Variants in CCNH observed in about 807,000 individuals in gnomAD.
CCNH encodes cyclin-H.
In CCNH, 31 loss-of-function variants were observed where a neutral mutation model predicts 41.9. The observed-to-expected ratio is 0.74, with a 90% confidence interval of 0.56 to 1.00. CCNH has a LOEUF of 1.00. CCNH is among the 50% of genes least tolerant of loss of function. The pLI is 0.00. For missense variants in CCNH, 362 were observed against 388.4 expected (o/e 0.93, Z 0.57); for synonymous variants, 138 against 136.1 (o/e 1.01, Z -0.10).
chr5:87,326,658 A>G (rs1757252088), intron 9 of CCNH, among the ~76,000 whole-genome samples: 2 of 152,170 alleles, frequency 1.3e-5, no homozygotes, highest in African/African-American at 4.8e-5. Flanking sequence ...TCAAGTACAT[A>G]CTATCCTTTA....
downstream of CCNH, chr5:87,386,863 G>T: frequency 3.1e-6 from 5 of 1,612,848 alleles, no homozygotes; most frequent in Non-Finnish European, 3.4e-6. Flanking sequence ...TTCATCAAAA[G>T]CAACAAACAT....
downstream of CCNH, among the ~76,000 whole-genome samples, chr5:87,373,048 A>AT (rs1380761644): frequency 1.3e-5 from 2 of 152,132 alleles, no homozygotes; most frequent in African/African-American, 4.8e-5. Context: ...ATCAGATTGG[A>AT]TTTTTGCTAA....
chr5:87,377,158 T>G, exon 1 of CCNH: 1 of 1,337,786 alleles, frequency 7.5e-7, no homozygotes, highest in Admixed American at 1.8e-5. Context: ...AAATAAGTTA[T>G]TCTGTTTTCC....
chr5:87,355,827 G>A (rs571646535), intron 9 of CCNH, among the ~76,000 whole-genome samples: 7 of 152,344 alleles, frequency 4.6e-5, no homozygotes, highest in Admixed American at 1.3e-4. Context: ...GGAAGAAGCT[G>A]ATTCCAACTC....
chr5:87,349,322 C>T lies in CCNH; in HGVS notation c.*91-30425G>A, dbSNP rs1175378445. The T allele has an allele frequency of 1.2e-5, 20 of 1,611,810 alleles. No individual in the cohort carries two copies. Among genetic ancestry groups the T allele is most frequent in the African/African-American group, 1.3e-5 (1 of 74,764 alleles). On this transcript the variant is annotated intron_variant and NMD_transcript_variant, in intron 9 of 9. Transcript: ENST00000645953. ...ATTCAGCGATTTAAAATATGTCCAA[C>T]GCCAAACAATCAGTTTATGATGGGA...
chr5:87,351,307 CT>C (rs1383064955), intron 9 of CCNH, among the ~76,000 whole-genome samples: 3 of 151,532 alleles, frequency 2.0e-5, no homozygotes, highest in Non-Finnish European at 3.0e-5. Context: ...GATATAGTTT[CT>C]TCTTTATTAG....
downstream of CCNH, chr5:87,372,327 C>T (rs1761008886): frequency 2.6e-6 from 2 of 768,744 alleles, no homozygotes; most frequent in East Asian, 2.7e-5. Flanking sequence ...GCTTCAGTAG[C>T]AGGAAAACGT....
intron 9 of CCNH, among the ~76,000 whole-genome samples, chr5:87,335,466 C>T (rs1402760730): frequency 7.2e-6 from 1 of 138,664 alleles, no homozygotes; most frequent in Non-Finnish European, 1.5e-5. Flanking sequence ...GCTCTTGTCA[C>T]CCAGGCTGGA....
chr5:87,351,906 G>A (rs950986937), intron 9 of CCNH, among the ~76,000 whole-genome samples: 5 of 151,810 alleles, frequency 3.3e-5, no homozygotes, highest in African/African-American at 9.6e-5. Context: ...TGGATTGATT[G>A]TATTTTACAG....
chr5:87,381,466 C>G (rs1283324072), upstream of CCNH, among the ~76,000 whole-genome samples: 1 of 152,206 alleles, frequency 6.6e-6, no homozygotes, highest in East Asian at 1.9e-4. Context: ...TATACACTGT[C>G]ATGTCATGCT....
chr5:87,363,543 T>G (rs928906676), intron 9 of CCNH: 1 of 1,590,190 alleles, frequency 6.3e-7, no homozygotes, highest in Non-Finnish European at 8.6e-7. Flanking sequence ...CGGAATTGTC[T>G]TAATAATAAA....
chr5:87,412,535 C>G, intron 1 of CCNH, 143 bp downstream of exon 1: 1 of 1,452,052 alleles, frequency 6.9e-7, no homozygotes, highest in South Asian at 1.4e-5. Context: ...GCAAGGTGCT[C>G]GCTTATTTTG....
chr5:87,322,152 G>A (rs1756868410), intron 9 of CCNH, among the ~76,000 whole-genome samples: 1 of 152,048 alleles, frequency 6.6e-6, no homozygotes, highest in South Asian at 2.1e-4. Flanking sequence ...GTGAGAGCTG[G>A]TTGTTTAAAG....
At chr5:87,312,701 C>T in the CCNH span, among the ~76,000 whole-genome samples, 1 of 152,172 alleles carries the variant, frequency 6.6e-6, no homozygotes, top group South Asian at 2.1e-4. Context: ...GATGTGAATG[C>T]TACCATGAAT....
chr5:87,378,479 G>A, upstream of CCNH: 1 of 1,612,464 alleles, frequency 6.2e-7, no homozygotes, highest in Non-Finnish European at 8.5e-7. Flanking sequence ...TACACAGTTT[G>A]TTCATCATGC....
At chr5:87,320,568 C>G (rs182251055) in intron 9 of CCNH, among the ~76,000 whole-genome samples, 1 of 152,036 alleles carries the variant, frequency 6.6e-6, no homozygotes, top group African/African-American at 2.4e-5. Flanking sequence ...AGTGGGGAAG[C>G]GCCACACACT....
At chr5:87,359,179 T>C (rs1759883160) in intron 9 of CCNH, among the ~76,000 whole-genome samples, 1 of 152,118 alleles carries the variant, frequency 6.6e-6, no homozygotes. Flanking sequence ...TTAAATGGCG[T>C]TTTCCTACAT....
At chr5:87,410,543 C>T (rs371455986) in intron 2 of CCNH, among the ~76,000 whole-genome samples, 3 of 151,980 alleles carry the variant, frequency 2.0e-5, no homozygotes, top group East Asian at 1.9e-4. Context: ...AACTTTAAAA[C>T]TTAACAGACT....
chr5:87,390,870 A>G (rs764515827), downstream of CCNH: 9 of 1,611,728 alleles, frequency 5.6e-6, no homozygotes, highest in African/African-American at 1.3e-5. Flanking sequence ...ACAAAAACCA[A>G]TGATGTCAGG....
Sources: allele counts gnomAD v4.1 joint callset (sites outside exome capture counted in the v4.1 genomes callset), GRCh38; gene constraint gnomAD v4.1.1; transcripts MANE v1.5; gene names NCBI Gene and HGNC (gene_info 2026-07-23, HGNC 2026-07-21).